The following WDR59 variants were observed in gnomAD, a reference collection of about 807,000 sequenced individuals.
The protein encoded by WDR59 is GATOR2 complex protein WDR59.
In WDR59, 100 loss-of-function variants were observed where a neutral mutation model predicts 131.2. The ratio of observed to expected loss-of-function variants is 0.76; its 90% confidence interval spans 0.65 to 0.90. The LOEUF is 0.90. WDR59 is among the 40% of genes least tolerant of loss of function. WDR59 has a pLI of 0.00. For missense variants in WDR59, 1,203 were observed against 1,262.2 expected, an observed-to-expected ratio of 0.95 and a Z score of 0.71; for synonymous variants, 601 against 466.2, an observed-to-expected ratio of 1.29 and a Z score of -3.72.
At chr16:74,978,319 T>G (rs1447637923) in intron 1 of WDR59, among the ~76,000 whole-genome samples, 1 of 65,554 alleles carries the variant, frequency 1.5e-5, no homozygotes, top group Non-Finnish European at 2.9e-5. Context: ...AGACTCTGTC[T>G]CAAAAAAAAA....
chr16:74,907,847 GGTGGTAA>G (rs1334185461), intron 17 of WDR59, among the ~76,000 whole-genome samples: 1 of 152,204 alleles, frequency 6.6e-6, no homozygotes, highest in East Asian at 1.9e-4. Flanking sequence ...AGCAACTGCA[GGTGGTAA>G]GTGCTATGAT....
chr16:74,914,699 T>C (rs1023087936), intron 13 of WDR59, among the ~76,000 whole-genome samples: 2 of 152,034 alleles, frequency 1.3e-5, no homozygotes, highest in East Asian at 3.9e-4. Flanking sequence ...GTTCAAGCGA[T>C]TCTCCTGCCT....
chr16:74,924,964 G>A (rs2030631030), intron 8 of WDR59, among the ~76,000 whole-genome samples: 1 of 152,048 alleles, frequency 6.6e-6, no homozygotes. Flanking sequence ...CATACCATAT[G>A]ACCCAGCAAT....
intron 25 of WDR59, among the ~76,000 whole-genome samples, chr16:74,881,108 C>T (rs5001473): frequency 5.9e-5 from 9 of 152,120 alleles, no homozygotes; most frequent in African/African-American, 2.2e-4. Context: ...ACAAAAACAA[C>T]AAAAAATCAT....
At chr16:74,948,163 G>A (rs1338068574) in intron 6 of WDR59, among the ~76,000 whole-genome samples, 1 of 152,206 alleles carries the variant, frequency 6.6e-6, no homozygotes, top group African/African-American at 2.4e-5. Context: ...GATGACAAGT[G>A]TTGAAGGTGA....
chr16:74,916,062 T>C (rs943642894), intron 12 of WDR59, 65 bp downstream of exon 12: 25 of 1,613,674 alleles, frequency 1.5e-5, no homozygotes, highest in Non-Finnish European at 2.1e-5. Context: ...AGGTCTGGGG[T>C]ATCTGCCACA....
intron 1 of WDR59, among the ~76,000 whole-genome samples, chr16:74,976,440 CT>C (rs763009590): frequency 2.0e-3 from 271 of 137,404 alleles, no homozygotes; most frequent in Middle Eastern, 7.6e-3. Flanking sequence ...TTTTTCTTTT[CT>C]TTTTTTTTTT....
chr16:74,982,065 G>C (rs1311384513), intron 1 of WDR59, among the ~76,000 whole-genome samples: 1 of 145,838 alleles, frequency 6.9e-6, no homozygotes, highest in Non-Finnish European at 1.5e-5. Flanking sequence ...AGACCACCTG[G>C]GCAAGATACA....
intron 19 of WDR59, among the ~76,000 whole-genome samples, chr16:74,893,472 G>A (rs1228661402): frequency 2.6e-5 from 4 of 152,214 alleles, no homozygotes; most frequent in East Asian, 1.9e-4. Context: ...GTCCAGACTC[G>A]CGACCCACAA....
chr16:74,917,808 C>CAAA (rs34773155), intron 11 of WDR59, 121 bp downstream of exon 11: 413 of 431,266 alleles, frequency 9.6e-4, no homozygotes, highest in Non-Finnish European at 1.1e-3. Context: ...GACGCACTCT[C>CAAA]AAAAAAAAAA....
chr16:74,883,638 G>C (rs1393755982), intron 25 of WDR59, among the ~76,000 whole-genome samples: 2 of 152,140 alleles, frequency 1.3e-5, no homozygotes, highest in Non-Finnish European at 2.9e-5. Context: ...ACCTCTCCCT[G>C]CTCAGTCTTG....
intron 2 of WDR59, among the ~76,000 whole-genome samples, chr16:74,960,897 AT>A (rs1308202077): frequency 6.6e-6 from 1 of 152,078 alleles, no homozygotes; most frequent in Non-Finnish European, 1.5e-5. Flanking sequence ...TCTAAAAAAA[AT>A]TTCTGTATCT....
intron 8 of WDR59, 35 bp from the exon 9 acceptor site, chr16:74,924,038 A>C: frequency 1.3e-6 from 2 of 1,599,914 alleles, no homozygotes; most frequent in Non-Finnish European, 8.5e-7. Flanking sequence ...TTGTGAAATA[A>C]ATGCCATTAA....
At chr16:74,945,731 G>T (rs2032579526) in intron 6 of WDR59, among the ~76,000 whole-genome samples, 1 of 151,822 alleles carries the variant, frequency 6.6e-6, no homozygotes, top group Non-Finnish European at 1.5e-5. Context: ...TTATCCGCGG[G>T]TCCACCTTCT....
chr16:74,910,956 T>C (rs1966053580), intron 14 of WDR59, among the ~76,000 whole-genome samples: 2 of 152,098 alleles, frequency 1.3e-5, no homozygotes, highest in Admixed American at 6.6e-5. Flanking sequence ...CCCCACCTCC[T>C]GGGTTCAAGT....
At chr16:74,981,645 TATATATATA>T (rs1567450829) in intron 1 of WDR59, among the ~76,000 whole-genome samples, 277 of 13,216 alleles carry the variant, frequency 0.021, 26 homozygotes, top group Non-Finnish European at 0.029. Context: ...TATATATATA[TATATATATA>T]TATATATTTT....
intron 2 of WDR59, among the ~76,000 whole-genome samples, chr16:74,957,462 C>G (rs972711535): frequency 7.9e-5 from 12 of 152,142 alleles, no homozygotes; most frequent in Non-Finnish European, 1.5e-5. Flanking sequence ...AAACATATCA[C>G]TTATTACTAA....
chr16:74,912,805 CAAAGGGATGGGCTGAAAT>C lies in WDR59; in HGVS notation c.1225-461_1225-444del, dbSNP rs529257992. On this transcript the variant is annotated intron_variant, in intron 13 of 25. Coordinates refer to ENST00000262144, the MANE Select transcript of WDR59 (RefSeq NM_030581.4). ...AACTAAAAGTATTCCTTATGGGAAA[CAAAGGGATGGGCTGAAAT>C]AAAGGGATGGGCTGTGGCTAGCTAT... is the stretch of plus-strand genomic sequence containing the variant. Among the ~76,000 whole-genome samples, 26 of 152,298 alleles carry C rather than the reference CAAAGGGATGGGCTGAAAT, an allele frequency of 1.7e-4. 2 individuals carry two copies. The highest frequency in any genetic ancestry group is 1.0e-3 in the South Asian group (5 of 4,828).
intron 18 of WDR59, among the ~76,000 whole-genome samples, chr16:74,894,291 G>A (rs1231504713): frequency 2.0e-5 from 3 of 152,134 alleles, no homozygotes; most frequent in Non-Finnish European, 4.4e-5. Flanking sequence ...TATATGGTAG[G>A]AAAACAGAGA....
Sources: gnomAD v4.1 joint callset for allele counts (sites outside exome capture counted in the v4.1 genomes callset) on GRCh38, gnomAD v4.1.1 for gene constraint, MANE v1.5 for transcripts, NCBI Gene and HGNC (gene_info 2026-07-23, HGNC 2026-07-21) for gene names.